The following ZNF609 variants were observed in gnomAD, a reference collection of about 807,000 sequenced individuals.
ZNF609 encodes the protein zinc finger protein 609.
A neutral mutation model predicts 109.5 loss-of-function variants in ZNF609; 11 were observed. That is an observed-to-expected ratio of 0.10 (90% CI 0.06 to 0.17). ZNF609 has a LOEUF of 0.17. ZNF609 is among the 10% of genes least tolerant of loss of function. The pLI, the probability that ZNF609 is intolerant of heterozygous loss-of-function variation, is 1.00. For missense variants in ZNF609, 1,559 were observed against 1,772.4 expected, an observed-to-expected ratio of 0.88 and a Z score of 2.16; for synonymous variants, 646 against 662.0, an observed-to-expected ratio of 0.98 and a Z score of 0.37.
intron 3 of ZNF609, among the ~76,000 whole-genome samples, chr15:64,662,356 T>G (rs1277713115): frequency 6.6e-6 from 1 of 152,036 alleles, no homozygotes; most frequent in South Asian, 2.1e-4. Context: ...CTTTTTTTTT[T>G]CCTCTGTGAA....
intron 2 of ZNF609, among the ~76,000 whole-genome samples, chr15:64,512,368 A>C (rs1893745233): frequency 6.6e-6 from 1 of 152,234 alleles, no homozygotes; most frequent in African/African-American, 2.4e-5. Context: ...TAGATTAGAA[A>C]GGGGCAGAAG....
intron 3 of ZNF609, chr15:64,631,363 T>G: frequency 1.4e-6 from 1 of 722,994 alleles, no homozygotes; most frequent in Non-Finnish European, 2.6e-6. Context: ...CTTGTTTGTT[T>G]ACAACAATGC....
In ZNF609 at chr15:64,612,176, T is replaced by TC. The variant is rs932399877; in HGVS notation, c.748-10647dup. Among the ~76,000 whole-genome samples the TC allele has an allele frequency of 1.5e-4, 23 of 151,474 alleles. 1 individual carries two copies. The highest frequency in any genetic ancestry group is 5.1e-4 in the African/African-American group (21 of 41,258). On this transcript the variant is annotated intron_variant, in intron 2 of 9. Transcript: ENST00000326648. ...CTTCTTTTTTTTTTTGAGACGGAAT[T>TC]CCCCTCTGTCCCCCAGGCTGGAGTG...
chr15:64,592,938 T>C lies in ZNF609; in HGVS notation c.748-29889T>C. On this transcript the variant is annotated intron_variant, in intron 2 of 9. Transcript: ENST00000326648. ...CAAAAAATTACATAAATAAATAAAA[T>C]AAAAATAATGTTTTTGCTCTCTCCG... The C allele has an allele frequency of 4.7e-6, 4 of 849,194 alleles. No homozygotes were observed. The Admixed American group carries it at 8.3e-5, about 18-fold the overall frequency. 52.6% of individuals were successfully genotyped at this position (849,194 alleles called of 1,614,324 possible).
rs1893178026 is a variant in ZNF609, at chr15:64,476,868, CTCT to C, written c.-128+16035_-128+16037del. ...GAGAAGCCCAGTATCATAACCTTCT[CTCT>C]TCTTAGTGAGGCCTCAGCAACTTTA... is the stretch of plus-strand genomic sequence containing the variant. On this transcript the variant is annotated intron_variant, in intron 1 of 9. Transcript: ENST00000326648. Among the ~76,000 whole-genome samples, 3 of 152,158 alleles carry C rather than the reference CTCT, an allele frequency of 2.0e-5. No individual in the cohort carries two copies. The South Asian group carries it at 6.2e-4, about 31-fold the overall frequency.
chr15:64,572,721 C>G (rs1249835478), intron 2 of ZNF609, among the ~76,000 whole-genome samples: 4 of 151,936 alleles, frequency 2.6e-5, no homozygotes, highest in Non-Finnish European at 4.4e-5. Context: ...GGAGAAACCA[C>G]CATCTCCACT....
At chr15:64,516,838 A>G (rs1893819041) in intron 2 of ZNF609, among the ~76,000 whole-genome samples, 1 of 152,114 alleles carries the variant, frequency 6.6e-6, no homozygotes, top group South Asian at 2.1e-4. Context: ...TATCTTTCAG[A>G]ACCATTTCCA....
At chr15:64,665,846 C>CAGT (rs1896638147) in intron 3 of ZNF609, among the ~76,000 whole-genome samples, 1 of 151,356 alleles carries the variant, frequency 6.6e-6, no homozygotes. Context: ...GCGGAGGTTG[C>CAGT]GATGACCCAA....
chr15:64,519,987 G>T (rs1893868285), intron 2 of ZNF609, among the ~76,000 whole-genome samples: 1 of 152,168 alleles, frequency 6.6e-6, no homozygotes. Flanking sequence ...ACAAATGTTT[G>T]TTCTATTTTC....
rs570616534 is a variant in ZNF609 at position 64,504,258 on chromosome 15, T to A, written c.747+4092T>A. Among the ~76,000 whole-genome samples the A allele has an allele frequency of 5.9e-5, 9 of 152,342 alleles. No individual in the cohort carries two copies. In the South Asian group the frequency reaches 1.9e-3, roughly 32 times the overall value. ...TCTAGGTGTTGTAATTCAAGGCAGT[T>A]CCAGAGAAAGATTATCTTGTCCAAT... On this transcript the variant is annotated intron_variant, in intron 2 of 9. Transcript: ENST00000326648.
intron 3 of ZNF609, among the ~76,000 whole-genome samples, chr15:64,651,104 A>AACATATATAT (rs1209305690): frequency 2.0e-5 from 3 of 152,284 alleles, no homozygotes; most frequent in Non-Finnish European, 4.4e-5. Flanking sequence ...ACTATCTATA[A>AACATATATAT]ACATATATAT....
chr15:64,678,246 T>A lies in ZNF609; in HGVS notation c.3533T>A (p.Val1178Asp), dbSNP rs757358403. 1.2e-6 allele frequency: 2 copies of A among 1,614,108 alleles called. No individual in the cohort carries two copies. The highest frequency in any genetic ancestry group is 2.2e-5 in the South Asian group (2 of 91,078). The stretch of plus-strand genomic sequence containing the variant: ...GAAAGGAGTCGGAGTAAGGACTCTG[T>A]CCCCAAGGAAGATGGGAAGGAAAGC... ...KEERSRSKDSVPKEDGKESTS... is the reference protein window; with the variant it reads ...KEERSRSKDSDPKEDGKESTS... The change falls in exon 6 of 10, where the codon GTC becomes GAC. Residue 1178 changes from valine to aspartate, a missense_variant. Val to Asp is a radical substitution (Grantham distance 152, BLOSUM62 -3). This residue lies in a region of ZNF609 where 1,204 missense variants were observed against 1,314.1 expected (regional missense o/e 0.92). Transcript: ENST00000326648.
chr15:64,577,348 T>TACACACAA (rs1228582804), intron 2 of ZNF609, among the ~76,000 whole-genome samples: 1 of 18,434 alleles, frequency 5.4e-5, no homozygotes, highest in African/African-American at 9.6e-5. Flanking sequence ...TATATATGTA[T>TACACACAA]ATATATACAC....
chr15:64,650,381 C>T (rs899687922), intron 3 of ZNF609, among the ~76,000 whole-genome samples: 2 of 148,740 alleles, frequency 1.3e-5, no homozygotes, highest in Non-Finnish European at 3.0e-5. Context: ...CTCACCACTG[C>T]ACTCCAGCCT....
intron 1 of ZNF609, among the ~76,000 whole-genome samples, chr15:64,479,661 G>A (rs995310779): frequency 6.6e-6 from 1 of 151,648 alleles, no homozygotes; most frequent in African/African-American, 2.4e-5. Flanking sequence ...GTTCACGCCT[G>A]TAATCCCAGC....
intron 2 of ZNF609, among the ~76,000 whole-genome samples, chr15:64,511,084 G>A (rs1190757560): frequency 1.4e-5 from 2 of 147,924 alleles, no homozygotes; most frequent in Admixed American, 1.3e-4. Context: ...TGGCTTATGT[G>A]TTGCTTTTTT....
At chr15:64,541,633 G>A (rs1312401752) in intron 2 of ZNF609, among the ~76,000 whole-genome samples, 2 of 151,158 alleles carry the variant, frequency 1.3e-5, no homozygotes, top group African/African-American at 2.4e-5. Flanking sequence ...GAGGTCAGGA[G>A]ATCGAGACCA....
chr15:64,646,634 C>CAAA (rs1180524819), intron 3 of ZNF609, among the ~76,000 whole-genome samples: 884 of 30,676 alleles, frequency 0.029, 72 homozygotes, highest in African/African-American at 0.12. Context: ...GACTCCATCT[C>CAAA]AAAAAAAAAA....
intron 2 of ZNF609, among the ~76,000 whole-genome samples, chr15:64,609,062 A>ATT (rs3057836): frequency 8.3e-4 from 88 of 106,012 alleles, no homozygotes; most frequent in Admixed American, 6.4e-3. Flanking sequence ...TTTAGTTTTA[A>ATT]TTTTTCTTTC....
Sources: gnomAD v4.1 joint callset for allele counts (sites outside exome capture counted in the v4.1 genomes callset) on GRCh38, gnomAD v4.1.1 for gene constraint, gnomAD v4.1.1 regional missense constraint, MANE v1.5 for transcripts, NCBI Gene and HGNC (gene_info 2026-07-23, HGNC 2026-07-21) for gene names.